Variants in PTPN22 observed in about 807,000 individuals in gnomAD.
PTPN22 encodes protein tyrosine phosphatase non-receptor type 22, also known as tyrosine-protein phosphatase non-receptor type 22.
A neutral mutation model predicts 103.3 loss-of-function variants in PTPN22; 85 were observed. That is an observed-to-expected ratio of 0.82 (90% CI 0.69 to 0.99). The LOEUF is 0.99. Ranked by LOEUF, PTPN22 falls within the 50% of genes least tolerant of loss-of-function variation. The pLI is 0.00. For missense variants in PTPN22, 865 were observed against 936.9 expected, an observed-to-expected ratio of 0.92 and a Z score of 1.00; for synonymous variants, 323 against 310.2, an observed-to-expected ratio of 1.04 and a Z score of -0.43.
At chr1:113,863,927 ATT>A (rs1192566742) in intron 1 of PTPN22, among the ~76,000 whole-genome samples, 2 of 118,606 alleles carry the variant, frequency 1.7e-5, no homozygotes, top group Non-Finnish European at 3.7e-5. Context: ...ATATATATAT[ATT>A]TTTTTTTGAC....
chr1:113,819,928 A>G (rs1279744609), intron 19 of PTPN22: 3 of 221,030 alleles, frequency 1.4e-5, no homozygotes, highest in Non-Finnish European at 2.6e-5. Context: ...ATAAGATCCA[A>G]TATATCATGA....
At chr1:113,814,893 TCTGG>T in exon 21 of PTPN22, 1 of 1,575,226 alleles carries the variant, frequency 6.3e-7, no homozygotes, top group Non-Finnish European at 8.7e-7. Context: ...TTATTATAAA[TCTGG>T]AGTTTTATTA....
Position 113,830,445 on chromosome 1 carries a change from A to G in PTPN22, c.2054-416T>C, listed in dbSNP as rs75245160. 2.9e-4 allele frequency among the ~76,000 whole-genome samples: 44 copies of G among 152,270 alleles called. No individual in the cohort carries two copies. In the East Asian group the frequency reaches 6.9e-3, roughly 24 times the overall value. ...CAAATAAATGATGTGAAAAGTATAG[A>G]AAGGAGAACGGTTATATATTTAAAA... On this transcript the variant is annotated intron_variant, in intron 16 of 20. Transcript: ENST00000359785.
intron 16 of PTPN22, among the ~76,000 whole-genome samples, chr1:113,830,257 C>T (rs1035438836): frequency 6.6e-6 from 1 of 152,074 alleles, no homozygotes; most frequent in African/African-American, 2.4e-5. Context: ...CAGAAGTATT[C>T]TCCCAAAGAC....
chr1:113,830,017 T>A (rs1347789092), exon 17 of PTPN22: 1 of 1,601,036 alleles, frequency 6.2e-7, no homozygotes, highest in Admixed American at 1.7e-5. Context: ...AGAAGAACGA[T>A]CTTGATGTAG....
intron 3 of PTPN22, 55 bp downstream of exon 3, chr1:113,858,947 C>G: frequency 6.3e-7 from 1 of 1,581,742 alleles, no homozygotes; most frequent in Non-Finnish European, 8.6e-7. Flanking sequence ...CCAGCCCTCC[C>G]CTTTTTTTGG....
chr1:113,854,006 C>T (rs1455011723), intron 9 of PTPN22, among the ~76,000 whole-genome samples: 1 of 151,666 alleles, frequency 6.6e-6, no homozygotes, highest in Non-Finnish European at 1.5e-5. Context: ...GTGGGGACTA[C>T]AGGCGTCCAC....
At position 113,834,445 on chromosome 1, in the gene PTPN22, A is replaced by G; in HGVS notation, c.1895-6T>C. On this transcript the variant is annotated splice_polypyrimidine_tract_variant and splice_region_variant and intron_variant, in intron 14 of 20. Coordinates refer to ENST00000359785, the Ensembl canonical transcript of PTPN22. Reference sequence around the variant, plus strand: ...AACATTTGGTGAGAATTCTCCTGGAAGAAAGTGAATATAGTTCGGTTCTTA... The same window carrying G: ...AACATTTGGTGAGAATTCTCCTGGAGGAAAGTGAATATAGTTCGGTTCTTA... 6.2e-7 allele frequency: 1 copy of G among 1,610,866 alleles called. No individual in the cohort carries two copies. The highest frequency in any genetic ancestry group is 8.5e-7 in the Non-Finnish European group (1 of 1,177,020).
chr1:113,831,929 CTTAT>C (rs1662580696), intron 16 of PTPN22, among the ~76,000 whole-genome samples: 1 of 152,104 alleles, frequency 6.6e-6, no homozygotes, highest in Non-Finnish European at 1.5e-5. Context: ...TAGTAAAATG[CTTAT>C]TTAATGATTA....
chr1:113,862,271 A>C (rs970082495), intron 1 of PTPN22, among the ~76,000 whole-genome samples: 2 of 152,184 alleles, frequency 1.3e-5, no homozygotes, highest in African/African-American at 4.8e-5. Flanking sequence ...TGACAGTGTG[A>C]GACTCCGCCT....
chr1:113,857,420 T>C (rs1324312304), intron 5 of PTPN22: 2 of 216,862 alleles, frequency 9.2e-6, no homozygotes, highest in East Asian at 2.3e-4. Flanking sequence ...GGATGCAATA[T>C]TGGACGGCAC....
chr1:113,856,019 TTTC>T (rs1230407787), intron 7 of PTPN22, among the ~76,000 whole-genome samples: 1 of 152,172 alleles, frequency 6.6e-6, no homozygotes, highest in Non-Finnish European at 1.5e-5. Flanking sequence ...CTCTTCTTTT[TTTC>T]TTCTTCTTTG....
intron 16 of PTPN22, among the ~76,000 whole-genome samples, chr1:113,832,460 G>A (rs1395547454): frequency 6.6e-6 from 1 of 152,144 alleles, no homozygotes; most frequent in African/African-American, 2.4e-5. Flanking sequence ...TTACAGGTGT[G>A]AGCCACTGCG....
At chr1:113,853,945 A>G (rs1260948815) in intron 9 of PTPN22, among the ~76,000 whole-genome samples, 1 of 139,054 alleles carries the variant, frequency 7.2e-6, no homozygotes, top group Non-Finnish European at 1.5e-5. Flanking sequence ...GGCTCACTGC[A>G]AGCTCCACCT....
At position 113,838,199 on chromosome 1, in the gene PTPN22, C is replaced by A. The variant is rs764659259; in HGVS notation, c.1201G>T (p.Ala401Ser). 4.3e-6 allele frequency: 7 copies of A among 1,614,026 alleles called. No individual in the cohort carries two copies. In the South Asian group the frequency reaches 6.6e-5, roughly 15 times the overall value. ...AGAGGCTCCCCAACTATTGGAAATGCCTTTGTCTGCCATTTCATGGTTGTG... is the reference window on the plus strand; with the variant it reads ...AGAGGCTCCCCAACTATTGGAAATGACTTTGTCTGCCATTTCATGGTTGTG... Residue 401 changes from alanine to serine, a missense_variant, in exon 13 of 21, where the codon GCA becomes TCA. Transcript: ENST00000359785.
chr1:113,834,045 G>A (rs575501483), intron 15 of PTPN22, among the ~76,000 whole-genome samples: 2 of 152,276 alleles, frequency 1.3e-5, no homozygotes, highest in East Asian at 1.9e-4. Flanking sequence ...TCTTTCATAT[G>A]ACATTGATCA....
At chr1:113,834,872 T>TC in intron 14 of PTPN22, 38 bp downstream of exon 14, 1 of 1,446,374 alleles carries the variant, frequency 6.9e-7, no homozygotes, top group African/African-American at 1.5e-5. Flanking sequence ...ACCATGCCCA[T>TC]CCCACACTTT....
At chr1:113,845,309 T>G (rs868470528) in intron 11 of PTPN22, among the ~76,000 whole-genome samples, 28 of 151,898 alleles carry the variant, frequency 1.8e-4, no homozygotes, top group African/African-American at 6.5e-4. Context: ...TTCAAGTGAT[T>G]CTCCTTCCTC....
chr1:113,821,644 C>G (rs1051043050), intron 19 of PTPN22, among the ~76,000 whole-genome samples: 1 of 152,036 alleles, frequency 6.6e-6, no homozygotes, highest in Non-Finnish European at 1.5e-5. Context: ...ATTTATGCTG[C>G]CTGCCTAAAC....
Sources: allele counts gnomAD v4.1 joint callset (sites outside exome capture counted in the v4.1 genomes callset), GRCh38; gene constraint gnomAD v4.1.1; transcripts MANE v1.5; gene names NCBI Gene and HGNC (gene_info 2026-07-23, HGNC 2026-07-21).